MYH13: variants seen among roughly 807,000 people sequenced by gnomAD.
The protein encoded by MYH13 is myosin-13.
MYH13 carries 177 observed loss-of-function variants against 232.1 expected under a neutral mutation model. The ratio of observed to expected loss-of-function variants is 0.76; its 90% CI spans 0.67 to 0.86. The LOEUF (loss-of-function observed/expected upper bound fraction) is 0.86, where lower values mean the gene tolerates loss of function less well. MYH13 is among the 40% of genes least tolerant of loss of function. MYH13 has a pLI of 0.00. For synonymous variants in MYH13, 884 were observed against 923.5 expected, an observed-to-expected ratio of 0.96 and a Z score of 0.78; for missense variants, 2,246 against 2,405.9, an observed-to-expected ratio of 0.93 and a Z score of 1.39.
intron 39 of MYH13, 130 bp from the exon 40 acceptor site, chr17:10,301,833 G>A (rs1043290651): frequency 7.9e-7 from 1 of 1,268,396 alleles, no homozygotes; most frequent in Non-Finnish European, 1.1e-6. Flanking sequence ...GAGAGGGCAG[G>A]GAAGCTTTCT....
At chr17:10,303,055 A>T (rs1263196990) in intron 39 of MYH13, 141 bp downstream of exon 39, 7 of 699,530 alleles carry the variant, frequency 1.0e-5, no homozygotes, top group Non-Finnish European at 1.8e-5. Context: ...GGAAGAGGGC[A>T]GTTGTCTCTG....
Position 10,313,338 on chromosome 17 carries a change from G to A in MYH13, c.4001C>T (p.Ala1334Val), listed in dbSNP as rs201679022. The A allele has an allele frequency of 3.3e-5, 54 of 1,614,252 alleles. No individual in the cohort carries two copies. Among genetic ancestry groups the A allele is most frequent in the Middle Eastern group, 1.6e-4 (1 of 6,062 alleles). Residue 1334 changes from alanine (A) to valine (V), a missense_variant, in exon 30 of 41, where the codon GCG (alanine) becomes GTG (valine). By Grantham distance (64) the Ala-to-Val change is moderately conservative. Transcript: ENST00000252172. ...EEETKAKNAM[A>V]HALQSSRHDC... ...GTGGCGGGAGGACTGCAGGGCGTGC[G>A]CCATGGCGTTCTTGGCCTGGGAATG...
rs71139041 is a variant in MYH13, at chr17:10,347,712, C to CTTTTTTTTT, written c.1145-923_1145-915dup. Among the ~76,000 whole-genome samples the CTTTTTTTTT allele has an allele frequency of 8.0e-4, 69 of 86,716 alleles. 2 individuals carry two copies. Among genetic ancestry groups the CTTTTTTTTT allele is most frequent in the South Asian group, 1.4e-3 (3 of 2,136 alleles). 56.9% of individuals were successfully genotyped at this position (86,716 alleles called of 152,430 possible). ...AAATGCTGCTCCCCAGGGACTACTT[C>CTTTTTTTTT]TTTTTTTTTTTTTTTTTTTTTTTGG... On this transcript the variant is annotated intron_variant, in intron 12 of 40. Transcript: ENST00000252172.
At position 10,349,196 on chromosome 17, in the gene MYH13, G is replaced by T. The variant is rs538370520; in HGVS notation, c.1144+1360C>A. 2.6e-5 allele frequency among the ~76,000 whole-genome samples: 4 copies of T among 152,046 alleles called. No individual in the cohort carries two copies. In the East Asian group the frequency reaches 7.7e-4, roughly 29 times the overall value. ...TGGCTCACTGCAACCTCCACCTCCC[G>T]GGATCAAGTGATTCTCCTGCCTCAG... On this transcript the variant is annotated intron_variant, in intron 12 of 40. Coordinates refer to ENST00000252172, the MANE Select transcript of MYH13 (RefSeq NM_003802.3).
intron 35 of MYH13, among the ~76,000 whole-genome samples, chr17:10,308,443 C>CTTTTTT (rs57432823): frequency 3.5e-5 from 4 of 113,084 alleles, no homozygotes; most frequent in East Asian, 2.5e-4. Flanking sequence ...TTAATTAAAA[C>CTTTTTT]TTTTTTTTTT....
chr17:10,351,220 C>CAAAAAAAAAAAAAAAAAAAAAAAA lies in MYH13; in HGVS notation c.1006-527_1006-526insTTTTTTTTTTTTTTTTTTTTTTTT, dbSNP rs761244522. ...TGGGAGACAGAGTGAGACTCCATCT[C>CAAAAAAAAAAAAAAAAAAAAAAAA]AAAAAAAAAAAAAAAGAGAACTGAT... On this transcript the variant is annotated intron_variant, in intron 11 of 40. Transcript: ENST00000252172. Among the ~76,000 whole-genome samples, 28 of 72,692 alleles carry CAAAAAAAAAAAAAAAAAAAAAAAA rather than the reference C, an allele frequency of 3.9e-4. 1 individual carries two copies. Among genetic ancestry groups the CAAAAAAAAAAAAAAAAAAAAAAAA allele is most frequent in the Non-Finnish European group, 5.4e-4 (19 of 35,366 alleles). 47.7% of individuals were successfully genotyped at this position (72,692 alleles called of 152,430 possible). A position where few individuals can be genotyped will look rare whatever the true frequency, so the allele number is the denominator to read the frequency against.
At chr17:10,362,758 G>A (rs958137347) in intron 3 of MYH13, among the ~76,000 whole-genome samples, 1 of 152,126 alleles carries the variant, frequency 6.6e-6, no homozygotes, top group Admixed American at 6.5e-5. Flanking sequence ...CCAGGAGTGG[G>A]TTACAGGTGT....
intron 11 of MYH13, among the ~76,000 whole-genome samples, chr17:10,352,005 G>A (rs2071714225): frequency 6.6e-6 from 1 of 152,162 alleles, no homozygotes; most frequent in South Asian, 2.1e-4. Context: ...GATATATGGG[G>A]AGGAGAGATT....
chr17:10,346,636 T>C, intron 13 of MYH13, 44 bp downstream of exon 13: 1 of 1,483,298 alleles, frequency 6.7e-7, no homozygotes. Context: ...ATGGCTCAAA[T>C]AGCAAAAGAT....
chr17:10,365,493 C>CA (rs934413933), intron 2 of MYH13, among the ~76,000 whole-genome samples: 3 of 152,122 alleles, frequency 2.0e-5, no homozygotes, highest in Non-Finnish European at 4.4e-5. Flanking sequence ...AAGTGGGGCC[C>CA]AAAAATGGGC....
intron 22 of MYH13, among the ~76,000 whole-genome samples, chr17:10,327,105 C>G (rs1442481552): frequency 2.0e-5 from 1 of 50,430 alleles, no homozygotes; most frequent in African/African-American, 6.1e-5. Context: ...AGGTTCACGC[C>G]ATTCTCCTGC....
At chr17:10,345,165 T>C in intron 15 of MYH13, 37 bp downstream of exon 15, 1 of 1,613,756 alleles carries the variant, frequency 6.2e-7, no homozygotes, top group Non-Finnish European at 8.5e-7. Flanking sequence ...GGGCCCCCAA[T>C]AAGGAGGAGC....
intron 21 of MYH13, 38 bp downstream of exon 21, chr17:10,330,349 A>G (rs982536817): frequency 8.7e-6 from 14 of 1,608,904 alleles, no homozygotes; most frequent in Admixed American, 1.7e-5. Flanking sequence ...TGCTAAGCAG[A>G]GAGGGCAGGA....
At chr17:10,331,798 C>T (rs73281982) in intron 20 of MYH13, among the ~76,000 whole-genome samples, 6,781 of 152,132 alleles carry the variant, frequency 0.045, 506 homozygotes, top group African/African-American at 0.16. Context: ...CCCTGGAGTC[C>T]TCTCTATGTT....
At chr17:10,368,965 G>T (rs1024813056) in intron 2 of MYH13, among the ~76,000 whole-genome samples, 2 of 152,180 alleles carry the variant, frequency 1.3e-5, no homozygotes, top group Non-Finnish European at 2.9e-5. Flanking sequence ...AGATGTTTGG[G>T]AACTACTGAT....
intron 37 of MYH13, 55 bp from the exon 38 acceptor site, chr17:10,303,553 A>G (rs1906179399): frequency 1.4e-6 from 2 of 1,465,926 alleles, no homozygotes; most frequent in African/African-American, 1.4e-5. Context: ...GGCTTCTCTC[A>G]TGGACTCATG....
rs762689271 is a variant in MYH13, at chr17:10,315,760, G to A, written c.3917C>T (p.Thr1306Ile). The A allele has an allele frequency of 2.5e-6, 4 of 1,613,772 alleles. No individual in the cohort carries two copies. In the African/African-American group the frequency reaches 4.0e-5, roughly 16 times the overall value. ...EEKESLISQL[T>I]KSKQALTQQL... ...CTGGGTGAGGGCCTGCTTGCTTTTG[G>A]TCAGCTGTGAAATCAGAGACTCCTT... The change falls in exon 29 of 41, where the codon ACC (threonine) becomes ATC (isoleucine). Residue 1306 changes from threonine to isoleucine, a missense_variant. By Grantham distance (89) the Thr-to-Ile change is moderately conservative (BLOSUM62 -1). Transcript: ENST00000252172.
At chr17:10,301,215 C>T (rs1258657642) in intron 40 of MYH13, among the ~76,000 whole-genome samples, 1 of 152,162 alleles carries the variant, frequency 6.6e-6, no homozygotes, top group Non-Finnish European at 1.5e-5. Context: ...CAGTGTCGTG[C>T]CTCACTGCTC....
At chr17:10,369,325 T>C (rs769198830) in intron 2 of MYH13, among the ~76,000 whole-genome samples, 2 of 152,244 alleles carry the variant, frequency 1.3e-5, no homozygotes, top group Non-Finnish European at 2.9e-5. Context: ...ATGTATTCTA[T>C]GATATAAATC....
Sources: allele counts gnomAD v4.1 joint callset (sites outside exome capture counted in the v4.1 genomes callset), GRCh38; gene constraint gnomAD v4.1.1; transcripts MANE v1.5; gene names NCBI Gene and HGNC (gene_info 2026-07-23, HGNC 2026-07-21).